The following LRRC4C variants were observed in gnomAD, a reference collection of about 807,000 sequenced individuals.
The protein encoded by LRRC4C is leucine-rich repeat-containing protein 4C.
In LRRC4C, 5 loss-of-function variants were observed where a neutral mutation model predicts 33.6. That is an observed-to-expected ratio of 0.15 (90% CI 0.08 to 0.31). The LOEUF is 0.31. Ranked by LOEUF, LRRC4C falls within the 10% of genes least tolerant of loss-of-function variation. The probability of loss-of-function intolerance (pLI) is 1.00; values close to 1 mark genes in which losing one functional copy is unlikely to be tolerated. For synonymous variants in LRRC4C, 329 were observed against 302.0 expected (o/e 1.09, Z -0.93); for missense variants, 560 against 796.7 (o/e 0.70, Z 3.58).
chr11:40,596,375 C>A (rs570563791), intron 3 of LRRC4C, among the ~76,000 whole-genome samples: 6 of 151,986 alleles, frequency 3.9e-5, no homozygotes, highest in Non-Finnish European at 7.4e-5. Context: ...TTGGTACAGG[C>A]ACAGAATATA....
chr11:40,516,392 A>G (rs1234177202), intron 3 of LRRC4C, among the ~76,000 whole-genome samples: 3 of 152,062 alleles, frequency 2.0e-5, no homozygotes, highest in African/African-American at 4.8e-5. Flanking sequence ...TCCACTACCA[A>G]GTCTCCTATG....
chr11:40,372,877 A>G (rs1948509609), intron 3 of LRRC4C, among the ~76,000 whole-genome samples: 1 of 148,580 alleles, frequency 6.7e-6, no homozygotes, highest in Non-Finnish European at 1.5e-5. Context: ...GCTCAATTTT[A>G]GCAGAGACTC....
intron 6 of LRRC4C, among the ~76,000 whole-genome samples, chr11:40,123,894 T>G (rs960723476): frequency 6.6e-6 from 1 of 152,036 alleles, no homozygotes; most frequent in African/African-American, 2.4e-5. Flanking sequence ...AGCAGACACA[T>G]ACACCAATGG....
intron 3 of LRRC4C, among the ~76,000 whole-genome samples, chr11:40,327,266 G>A (rs570216010): frequency 6.6e-6 from 1 of 152,300 alleles, no homozygotes; most frequent in South Asian, 2.1e-4. Context: ...GCTGCTTCTG[G>A]AGAATGAATG....
At position 41,235,157 on chromosome 11, in the gene LRRC4C, G is replaced by T. The variant is rs114695178; in HGVS notation, c.-496+224274C>A. 2.3e-3 allele frequency among the ~76,000 whole-genome samples: 345 copies of T among 152,120 alleles called. 3 individuals carry two copies. The highest frequency in any genetic ancestry group is 7.7e-3 in the African/African-American group (321 of 41,526). ...TACCCCCAAGTCAGTGAATGGGGTA[G>T]GTGGGTCAATTTCATTTAAACACTC... On this transcript the variant is annotated intron_variant, in intron 1 of 6. Coordinates refer to ENST00000528697, the MANE Select transcript of LRRC4C (RefSeq NM_001258419.2).
At chr11:41,443,089 A>ATT in intron 1 of LRRC4C, among the ~76,000 whole-genome samples, 5,164 of 105,772 alleles carry the variant, frequency 0.049, 387 homozygotes, top group African/African-American at 0.13. Flanking sequence ...TGTTTGCTTC[A>ATT]TTTTTTTTTT....
intron 1 of LRRC4C, among the ~76,000 whole-genome samples, chr11:41,106,952 G>A (rs551044252): frequency 1.3e-4 from 19 of 151,906 alleles, no homozygotes; most frequent in Admixed American, 4.6e-4. Context: ...GTTTGAGAAT[G>A]CAGTGAGCTG....
intron 3 of LRRC4C, among the ~76,000 whole-genome samples, chr11:40,519,995 G>T (rs934028728): frequency 6.6e-6 from 1 of 152,142 alleles, no homozygotes; most frequent in Admixed American, 6.5e-5. Context: ...GAGAACTCAA[G>T]ATCTGGCTTC....
intron 1 of LRRC4C, among the ~76,000 whole-genome samples, chr11:41,177,208 A>C (rs1945243212): frequency 6.6e-6 from 1 of 152,190 alleles, no homozygotes; most frequent in African/African-American, 2.4e-5. Flanking sequence ...TGGCTGGATA[A>C]GAGAGACTGA....
intron 1 of LRRC4C, among the ~76,000 whole-genome samples, chr11:41,096,718 G>T (rs925371754): frequency 6.6e-6 from 1 of 152,110 alleles, no homozygotes; most frequent in African/African-American, 2.4e-5. Flanking sequence ...GAATGCAAAC[G>T]GCAAAGATGG....
chr11:40,976,883 G>A (rs1371580096), intron 1 of LRRC4C, among the ~76,000 whole-genome samples: 3 of 152,008 alleles, frequency 2.0e-5, no homozygotes. Context: ...GTTTGGGGAT[G>A]ATTCAAGTAC....
chr11:40,993,532 A>G (rs534367712), intron 1 of LRRC4C, among the ~76,000 whole-genome samples: 49 of 152,222 alleles, frequency 3.2e-4, no homozygotes, highest in Non-Finnish European at 6.5e-4. Context: ...ACCTGCATTG[A>G]AACTTTTTAG....
intron 2 of LRRC4C, among the ~76,000 whole-genome samples, chr11:40,896,457 G>A (rs1226013759): frequency 1.3e-5 from 2 of 151,858 alleles, no homozygotes; most frequent in African/African-American, 4.8e-5. Context: ...CAAATTCAGT[G>A]GATATTTTTG....
chr11:41,034,037 C>A (rs942108276), intron 1 of LRRC4C, among the ~76,000 whole-genome samples: 3 of 151,884 alleles, frequency 2.0e-5, no homozygotes, highest in African/African-American at 7.3e-5. Context: ...CATTAATAAA[C>A]CTTTATTTTC....
At chr11:40,247,404 A>C (rs1413784277) in intron 4 of LRRC4C, among the ~76,000 whole-genome samples, 1 of 152,110 alleles carries the variant, frequency 6.6e-6, no homozygotes. Context: ...ACAAACCCCC[A>C]TGTTTTCAGA....
At chr11:41,031,564 C>T (rs1856730241) in intron 1 of LRRC4C, among the ~76,000 whole-genome samples, 1 of 151,956 alleles carries the variant, frequency 6.6e-6, no homozygotes, top group African/African-American at 2.4e-5. Flanking sequence ...AATGTTATAA[C>T]TCAGGTCCCC....
At position 41,158,688 on chromosome 11, in the gene LRRC4C, C is replaced by T. The variant is rs570892713; in HGVS notation, c.-495-224965G>A. On this transcript the variant is annotated intron_variant, in intron 1 of 6. Coordinates refer to ENST00000528697, the MANE Select transcript of LRRC4C (RefSeq NM_001258419.2). ...TTTCTCCTACATTTATGCTTTCATA[C>T]ACTCTCAAAGGCAAATCAGTTCATC... Among the ~76,000 whole-genome samples, 14 of 152,204 alleles carry T rather than the reference C, an allele frequency of 9.2e-5. No individual in the cohort carries two copies. The South Asian group carries it at 2.5e-3, about 27-fold the overall frequency.
At chr11:41,234,889 C>A (rs1379136297) in intron 1 of LRRC4C, among the ~76,000 whole-genome samples, 2 of 151,980 alleles carry the variant, frequency 1.3e-5, no homozygotes, top group African/African-American at 2.4e-5. Flanking sequence ...CATCTAACAC[C>A]AGAAGCATGG....
At chr11:41,284,892 CA>C (rs1312374863) in intron 1 of LRRC4C, among the ~76,000 whole-genome samples, 2 of 152,274 alleles carry the variant, frequency 1.3e-5, no homozygotes, top group African/African-American at 4.8e-5. Context: ...CACAAAAACA[CA>C]AAGTTATGAG....
Sources: gnomAD v4.1 joint callset for allele counts (sites outside exome capture counted in the v4.1 genomes callset) on GRCh38, gnomAD v4.1.1 for gene constraint, MANE v1.5 for transcripts, NCBI Gene and HGNC (gene_info 2026-07-23, HGNC 2026-07-21) for gene names.